Variants in DAB1 observed in about 807,000 individuals in gnomAD.
The protein encoded by DAB1 is disabled homolog 1.
DAB1 carries 15 observed loss-of-function variants against 64.6 expected under a neutral mutation model. The observed-to-expected ratio is 0.23, with a 90% CI of 0.16 to 0.36. The LOEUF is 0.36. Ranked by LOEUF, DAB1 falls within the 10% of genes least tolerant of loss-of-function variation. DAB1 has a pLI of 1.00. For synonymous variants in DAB1, 235 were observed against 251.9 expected, an observed-to-expected ratio of 0.93 and a Z score of 0.64; for missense variants, 596 against 706.7, an observed-to-expected ratio of 0.84 and a Z score of 1.78.
At chr1:57,139,308 T>A (rs1255523741) in intron 3 of DAB1, among the ~76,000 whole-genome samples, 1 of 152,110 alleles carries the variant, frequency 6.6e-6, no homozygotes, top group East Asian at 1.9e-4. Context: ...GGATACAGCA[T>A]GTATCCACTT....
chr1:57,149,231 A>G (rs1329615141), intron 2 of DAB1, among the ~76,000 whole-genome samples: 1 of 152,152 alleles, frequency 6.6e-6, no homozygotes, highest in Non-Finnish European at 1.5e-5. Context: ...ACATTAGCTC[A>G]TAGATCTTTG....
chr1:58,466,643 C>T (rs186062804), intron 3 of DAB1, among the ~76,000 whole-genome samples: 13 of 152,294 alleles, frequency 8.5e-5, no homozygotes, highest in African/African-American at 3.1e-4. Flanking sequence ...TTGAAAGGGA[C>T]AATCCTCCTT....
rs193268088 is a variant in DAB1, at chr1:57,774,063, C to T, written n.551+109936G>A. On this transcript the variant is annotated intron_variant and non_coding_transcript_variant, in intron 6 of 20. Transcript: ENST00000485760. ...CCCCTGTTGTAATTTTGATTGAGAT[C>T]TCCTTGAATCATGAGTTAATCTGGG... Among the ~76,000 whole-genome samples the T allele has an allele frequency of 3.3e-3, 500 of 151,872 alleles. 1 individual carries two copies. The highest frequency in any genetic ancestry group is 0.011 in the African/African-American group (469 of 41,502).
At chr1:58,303,658 G>A (rs574431983) in intron 4 of DAB1, among the ~76,000 whole-genome samples, 1 of 152,268 alleles carries the variant, frequency 6.6e-6, no homozygotes, top group African/African-American at 2.4e-5. Flanking sequence ...AAATCTCAAG[G>A]CAGGACTGAG....
intron 5 of DAB1, among the ~76,000 whole-genome samples, chr1:57,963,745 A>G (rs1159362601): frequency 7.2e-6 from 1 of 139,494 alleles, no homozygotes; most frequent in African/African-American, 2.7e-5. Flanking sequence ...GTAACTCTAC[A>G]TCAGCCCCAG....
intron 1 of DAB1, among the ~76,000 whole-genome samples, chr1:58,541,857 T>A (rs1557461263): frequency 6.6e-6 from 1 of 152,112 alleles, no homozygotes; most frequent in Non-Finnish European, 1.5e-5. Context: ...ATAAAGTCAA[T>A]AAACAAAATA....
intron 5 of DAB1, among the ~76,000 whole-genome samples, chr1:57,985,866 C>A (rs1273275916): frequency 6.6e-6 from 1 of 152,180 alleles, no homozygotes; most frequent in African/African-American, 2.4e-5. Flanking sequence ...AGGGTGTGAA[C>A]AACCTAAGTG....
intron 7 of DAB1, among the ~76,000 whole-genome samples, chr1:57,442,973 A>G (rs1686010187): frequency 6.6e-6 from 1 of 152,188 alleles, no homozygotes; most frequent in South Asian, 2.1e-4. Context: ...TCTTTCTCCC[A>G]TTATCTGCTA....
intron 4 of DAB1, among the ~76,000 whole-genome samples, chr1:58,256,671 AT>A (rs1335023473): frequency 6.6e-6 from 1 of 152,216 alleles, no homozygotes; most frequent in African/African-American, 2.4e-5. Context: ...CTGTCTGTCA[AT>A]CCCCACTAGT....
intron 6 of DAB1, among the ~76,000 whole-genome samples, chr1:57,789,063 A>C (rs1250147910): frequency 6.6e-6 from 1 of 152,172 alleles, no homozygotes; most frequent in South Asian, 2.1e-4. Context: ...CTGAGGAGGA[A>C]GATACTAGAG....
At chr1:57,863,491 T>TGG (rs1654159882) in intron 1 of DAB1, among the ~76,000 whole-genome samples, 1 of 152,186 alleles carries the variant, frequency 6.6e-6, no homozygotes, top group African/African-American at 2.4e-5. Context: ...TATAACAAGA[T>TGG]GGCCCTGTAG....
rs184492014 is a variant in DAB1 at position 57,523,906 on chromosome 1, C to T, written n.625+125686G>A. Among the ~76,000 whole-genome samples the T allele has an allele frequency of 4.6e-5, 7 of 151,488 alleles. No individual in the cohort carries two copies. The East Asian group carries it at 1.4e-3, about 29-fold the overall frequency. ...TGCCACTGCACTCCAGCCTGGATGA[C>T]AGAGCAAGACTCTGTCTCAAAAAAA... On this transcript the variant is annotated intron_variant and non_coding_transcript_variant, in intron 7 of 20. Transcript: ENST00000485760.
At chr1:58,514,622 T>C (rs566596217) in intron 2 of DAB1, among the ~76,000 whole-genome samples, 1 of 152,254 alleles carries the variant, frequency 6.6e-6, no homozygotes, top group African/African-American at 2.4e-5. Context: ...GTATTCCACA[T>C]AGACATGTGA....
intron 3 of DAB1, among the ~76,000 whole-genome samples, chr1:58,495,799 C>T (rs1645790621): frequency 6.6e-6 from 1 of 152,028 alleles, no homozygotes; most frequent in African/African-American, 2.4e-5. Context: ...CTTACACTTC[C>T]TCCAACAGCA....
chr1:57,654,096 C>T (rs540080917), intron 6 of DAB1, among the ~76,000 whole-genome samples: 7 of 152,138 alleles, frequency 4.6e-5, no homozygotes, highest in Non-Finnish European at 7.3e-5. Context: ...TGAGATAGAA[C>T]ATTCTTTTGT....
At chr1:57,785,866 T>C (rs1249356435) in intron 6 of DAB1, among the ~76,000 whole-genome samples, 1 of 152,200 alleles carries the variant, frequency 6.6e-6, no homozygotes, top group Non-Finnish European at 1.5e-5. Flanking sequence ...CTCTCCAATT[T>C]TGAAAGAAGT....
In DAB1 at chr1:57,161,649, T is replaced by C. The variant is rs182380603; in HGVS notation, c.68-16220A>G. ...TTTTAAAATTTTTGTATTTCAGTTC[T>C]TTTAAACAAGTGCTTTTTATTTTTT... On this transcript the variant is annotated intron_variant, in intron 2 of 14. Transcript: ENST00000371236. Among the ~76,000 whole-genome samples the C allele has an allele frequency of 2.0e-5, 3 of 152,376 alleles. 1 individual carries two copies. The highest frequency in any genetic ancestry group is 4.4e-5 in the Non-Finnish European group (3 of 68,048).
At chr1:58,545,332 C>G (rs1189860494) in intron 1 of DAB1, among the ~76,000 whole-genome samples, 3 of 152,176 alleles carry the variant, frequency 2.0e-5, no homozygotes, top group African/African-American at 7.2e-5. Context: ...CAACACTACG[C>G]ATATATAATT....
intron 1 of DAB1, chr1:57,867,562 A>G (rs1654362454): frequency 6.6e-6 from 1 of 152,164 alleles, no homozygotes; most frequent in Non-Finnish European, 1.5e-5. Flanking sequence ...CTGAAGCTAG[A>G]TCTGGGTAGG....
Sources: allele counts gnomAD v4.1 joint callset (sites outside exome capture counted in the v4.1 genomes callset), GRCh38; gene constraint gnomAD v4.1.1; transcripts MANE v1.5; gene names NCBI Gene and HGNC (gene_info 2026-07-23, HGNC 2026-07-21).